CHADL: variants seen among roughly 807,000 people sequenced by gnomAD.
CHADL encodes chondroadherin-like protein.
A neutral mutation model predicts 52.1 loss-of-function variants in CHADL; 48 were observed. That is an observed-to-expected ratio of 0.92 (90% confidence interval 0.73 to 1.17). The LOEUF (loss-of-function observed/expected upper bound fraction) is 1.17, where lower values mean the gene tolerates loss of function less well. Among genes scored for constraint, CHADL ranks in the 50% most tolerant of loss-of-function variants. The probability of loss-of-function intolerance (pLI) is 0.00; values close to 1 mark genes in which losing one functional copy is unlikely to be tolerated. For missense variants in CHADL, 977 were observed against 1,035.1 expected (o/e 0.94, Z 0.77); for synonymous variants, 498 against 511.2 (o/e 0.97, Z 0.35).
chr22:41,230,019 G>T, intron 5 of CHADL: 1 of 749,032 alleles, frequency 1.3e-6, no homozygotes, highest in Non-Finnish European at 2.2e-6. Flanking sequence ...GAAGCTGGAG[G>T]GTGAAGGTGC....
intron 4 of CHADL, among the ~76,000 whole-genome samples, chr22:41,236,141 G>A (rs1049015229): frequency 1.3e-5 from 2 of 152,210 alleles, no homozygotes; most frequent in African/African-American, 2.4e-5. Flanking sequence ...CAAAGTGCTG[G>A]GATTATAGGC....
At chr22:41,230,196 CA>C (rs1569155397) in intron 5 of CHADL, 4 of 1,601,060 alleles carry the variant, frequency 2.5e-6, no homozygotes, top group Non-Finnish European at 3.4e-6. Flanking sequence ...GACAAGGCTT[CA>C]AGTCCAGAGC....
In CHADL at chr22:41,235,186, T is replaced by G; in HGVS notation, c.2221A>C (p.Arg741=). Residue 741 remains arginine (R), a synonymous_variant, in exon 5 of 6, where the codon AGG becomes CGG. Transcript: ENST00000216241. The part of the protein sequence containing the change: ...KRTPASRPSA[R]RTPIKGRQCG... ...TGTCTTCCTTTGATGGGGGTTCTCC[T>G]GGCACTGGGCCTGGAGGCTGGTGTC... The G allele has an allele frequency of 6.4e-7, 1 of 1,551,608 alleles. No homozygotes were observed. Among genetic ancestry groups the G allele is most frequent in the Non-Finnish European group, 8.7e-7 (1 of 1,147,028 alleles).
rs977089895 is a variant in CHADL at position 41,238,552 on chromosome 22, G to A, written c.520C>T (p.Pro174Ser). ...NLAHNALVYL[P>S]AMAFQGLLRV... The stretch of plus-strand genomic sequence containing the variant: ...AGTAGCCCCTGGAAGGCCATGGCGG[G>A]CAGGTAAACCAGGGCGTTGTGGGCC... Residue 174 changes from proline to serine, a missense_variant, in exon 3 of 6, where the codon CCC becomes TCC. Transcript: ENST00000216241. The surrounding 1 kb of genome is among the most constrained non-coding windows in gnomAD (Gnocchi z 4.9). 1 of 1,546,056 alleles carries A rather than the reference G, an allele frequency of 6.5e-7. No individual in the cohort carries two copies. The highest frequency in any genetic ancestry group is 2.0e-5 in the Admixed American group (1 of 50,952).
rs1471328343 is a variant in CHADL, at chr22:41,235,249, C to A, written c.2158G>T (p.Glu720Ter). The A allele has an allele frequency of 2.6e-6, 4 of 1,551,404 alleles. No homozygotes were observed. Among genetic ancestry groups the A allele is most frequent in the Non-Finnish European group, 1.7e-6 (2 of 1,147,004 alleles). The change falls in exon 5 of 6, where the codon GAA becomes TAA. Residue 720 changes from glutamate (E) to a stop codon, truncating the protein, a stop_gained. Transcript: ENST00000216241. LOFTEE classifies it high-confidence loss of function. The part of the protein sequence containing the change: ...QRVKAAAAVF[E>*]DCPGWAARKA... Reference sequence around the variant, plus strand: ...CTGGCAGCCCAGCCCGGGCAGTCTTCAAAGACAGCAGCTGCAGCCTTCACC... The same window carrying A: ...CTGGCAGCCCAGCCCGGGCAGTCTTAAAAGACAGCAGCTGCAGCCTTCACC...
intron 2 of CHADL, among the ~76,000 whole-genome samples, chr22:41,239,102 T>A (rs1211060251): frequency 6.6e-6 from 1 of 152,136 alleles, no homozygotes; most frequent in Non-Finnish European, 1.5e-5. Context: ...CTCCTCGCTC[T>A]CTCTCCTCCA....
In CHADL at chr22:41,237,911, G is replaced by C. The variant is rs2032777415; in HGVS notation, c.1161C>G (p.Pro387=). The C allele has an allele frequency of 1.5e-6, 2 of 1,297,116 alleles. No individual in the cohort carries two copies. Among genetic ancestry groups the C allele is most frequent in the South Asian group, 2.5e-5 (1 of 40,128 alleles). 80.4% of individuals were successfully genotyped at this position (1,297,116 alleles called of 1,614,324 possible). ...RAPPRGPPRG[P]GEERAVAPCP... The stretch of plus-strand genomic sequence containing the variant: ...AAGGCGCGACTGCCCGCTCCTCCCC[G>C]GGGCCGCGCGGAGGGCCGCGCGGAG... Residue 387 remains proline (P), a synonymous_variant, in exon 3 of 6, where the codon CCC becomes CCG. Transcript: ENST00000216241.
chr22:41,234,990 C>G, intron 5 of CHADL, 155 bp downstream of exon 5: 1 of 773,104 alleles, frequency 1.3e-6, no homozygotes, highest in Non-Finnish European at 2.1e-6. Flanking sequence ...CGCCCAGCCT[C>G]GGATGGACAT....
At chr22:41,236,438 AGTGGCTGG>A in intron 4 of CHADL, 38 bp downstream of exon 4, 1 of 1,512,372 alleles carries the variant, frequency 6.6e-7, no homozygotes, top group Non-Finnish European at 9.0e-7. Flanking sequence ...CTTGACTGAG[AGTGGCTGG>A]GTGGTCTTTG....
chr22:41,235,449 A>G (rs1004089319), intron 4 of CHADL, 106 bp from the exon 5 acceptor site: 9 of 832,518 alleles, frequency 1.1e-5, no homozygotes, highest in Non-Finnish European at 1.7e-5. Context: ...AAGGCAGCAC[A>G]AGGCCACAGG....
Position 41,237,907 on chromosome 22 carries a change from C to G in CHADL, c.1165G>C (p.Glu389Gln). ...PPRGPPRGPG[E>Q]ERAVAPCPRA... Reference sequence around the variant, plus strand: ...GGGCAAGGCGCGACTGCCCGCTCCTCCCCGGGGCCGCGCGGAGGGCCGCGC... The same window carrying G: ...GGGCAAGGCGCGACTGCCCGCTCCTGCCCGGGGCCGCGCGGAGGGCCGCGC... The change falls in exon 3 of 6, where the codon GAG becomes CAG. Residue 389 changes from glutamate to glutamine, a missense_variant. By Grantham distance (29) the Glu-to-Gln change is conservative. Coordinates refer to ENST00000216241, the MANE Select transcript of CHADL (RefSeq NM_138481.2). The G allele has an allele frequency of 7.7e-7, 1 of 1,302,544 alleles. No individual in the cohort carries two copies. The highest frequency in any genetic ancestry group is 9.7e-7 in the Non-Finnish European group (1 of 1,031,814). The allele number at this position is 1,302,544 out of a possible 1,614,324, so 80.7% of individuals were successfully genotyped here.
At position 41,236,512 on chromosome 22, in the gene CHADL, A is replaced by G. The variant is rs1394211190; in HGVS notation, c.2035T>C (p.Cys679Arg). Residue 679 changes from cysteine (C) to arginine (R), a missense_variant, in exon 4 of 6, where the codon TGT becomes CGT. By Grantham distance (180) the Cys-to-Arg change is radical. Coordinates refer to ENST00000216241, the MANE Select transcript of CHADL (RefSeq NM_138481.2). Reference sequence around the variant, plus strand: ...TGCAGCGGAAGCAGCTGGCAGTCACAGTGGAAGGGATTGCTGCTGAGGTCG... The same window carrying G: ...TGCAGCGGAAGCAGCTGGCAGTCACGGTGGAAGGGATTGCTGCTGAGGTCG... ...LIDLSSNPFH[C>R]DCQLLPLHRW... 1.3e-6 allele frequency: 2 copies of G among 1,551,380 alleles called. No individual in the cohort carries two copies. The highest frequency in any genetic ancestry group is 2.4e-5 in the South Asian group (2 of 84,054).
At chr22:41,230,325 A>T (rs979790603) in intron 5 of CHADL, 4 of 1,111,856 alleles carry the variant, frequency 3.6e-6, no homozygotes, top group Non-Finnish European at 5.5e-6. Context: ...CCATGCCTCC[A>T]CCTGACTTTG....
At chr22:41,230,142 T>C (rs2032495945) in intron 5 of CHADL, 1 of 852,492 alleles carries the variant, frequency 1.2e-6, no homozygotes, top group Non-Finnish European at 1.8e-6. Context: ...TCTTCAGTCA[T>C]TGCTGTGCGT....
rs2032805165 is a variant in CHADL at position 41,238,760 on chromosome 22, G to A, written c.312C>T (p.Gly104=). ...GCAGGCGGCCCAGGCCACGGAAGGC[G>A]CCCTCGGCCACCAGCTCCACCTCGC... ...RHCEVELVAE[G]AFRGLGRLLL... is the part of the protein sequence containing the mutation. Residue 104 remains glycine, a synonymous_variant, in exon 3 of 6, where the codon GGC becomes GGT. Transcript: ENST00000216241. The surrounding 1 kb of genome is among the most constrained non-coding windows in gnomAD (Gnocchi z 4.9). 1 of 1,549,182 alleles carries A rather than the reference G, an allele frequency of 6.5e-7. No individual in the cohort carries two copies.
Position 41,236,390 on chromosome 22 carries a change from T to C in CHADL, c.2063+94A>G, listed in dbSNP as rs1399840556. 5 of 1,144,080 alleles carry C rather than the reference T, an allele frequency of 4.4e-6. No homozygotes were observed. The East Asian group carries it at 1.3e-4, about 30-fold the overall frequency. 70.9% of individuals were successfully genotyped at this position (1,144,080 alleles called of 1,614,324 possible). On this transcript the variant is annotated intron_variant, in intron 4 of 5. Transcript: ENST00000216241. ...CGCCCCTCCCCACAAGCTGCTCGGA[T>C]GGGCATGGACATGGTGTGCCTGGGG...
intron 3 of CHADL, 29 bp from the exon 4 acceptor site, chr22:41,236,679 A>G: frequency 6.5e-7 from 1 of 1,533,678 alleles, no homozygotes; most frequent in Non-Finnish European, 8.8e-7. Context: ...CCCCAATGTG[A>G]GCTCCTGGCA....
At position 41,238,287 on chromosome 22, in the gene CHADL, T is replaced by C; in HGVS notation, c.785A>G (p.Asp262Gly). 6.5e-7 allele frequency: 1 copy of C among 1,529,118 alleles called. No individual in the cohort carries two copies. The highest frequency in any genetic ancestry group is 8.7e-7 in the Non-Finnish European group (1 of 1,144,144). 94.7% of individuals were successfully genotyped at this position (1,529,118 alleles called of 1,614,324 possible). A position where few individuals can be genotyped will look rare whatever the true frequency, so the allele number is the denominator to read the frequency against. ...ALPGLRELLL[D>G]GGALQALGPR... is the part of the protein sequence containing the mutation. ...ACCCAGGGCCTGCAGGGCCCCGCCG[T>C]CCAGCAGCAGCTCCCGCAGGCCGGG... Residue 262 changes from aspartate to glycine, a missense_variant, in exon 3 of 6, where the codon GAC (aspartate) becomes GGC (glycine). Transcript: ENST00000216241. This position sits in a 1 kb window ranked among gnomAD's most constrained non-coding sequence, Gnocchi z 4.9.
At chr22:41,235,076 G>A in intron 5 of CHADL, 69 bp downstream of exon 5, 2 of 1,479,314 alleles carry the variant, frequency 1.4e-6, no homozygotes, top group Non-Finnish European at 1.8e-6. Flanking sequence ...TCAGGCTCCT[G>A]CTTCCTGGGG....
Sources: allele counts gnomAD v4.1 joint callset (sites outside exome capture counted in the v4.1 genomes callset), GRCh38; gene constraint gnomAD v4.1.1; non-coding constraint Gnocchi (gnomAD v3.1); transcripts MANE v1.5; gene names NCBI Gene and HGNC (gene_info 2026-07-23, HGNC 2026-07-21).